Variants in SATB2 observed in about 807,000 individuals in gnomAD.
The protein encoded by SATB2 is DNA-binding protein SATB2.
A neutral mutation model predicts 73.4 loss-of-function variants in SATB2; 1 was observed. That is an observed-to-expected ratio of 0.01 (90% CI 0.00 to 0.06). The LOEUF (loss-of-function observed/expected upper bound fraction) is 0.06, where lower values mean the gene tolerates loss of function less well. Ranked by LOEUF, SATB2 falls within the 10% of genes least tolerant of loss-of-function variation. SATB2 has a pLI of 1.00. For synonymous variants in SATB2, 397 were observed against 367.0 expected, an observed-to-expected ratio of 1.08 and a Z score of -0.93; for missense variants, 459 against 945.8, an observed-to-expected ratio of 0.49 and a Z score of 6.75.
chr2:199,365,713 A>G (rs182213213), intron 6 of SATB2, among the ~76,000 whole-genome samples: 2 of 152,270 alleles, frequency 1.3e-5, no homozygotes, highest in East Asian at 1.9e-4. Context: ...ATCTGTTTTT[A>G]ATGATATCAA....
intron 3 of SATB2, among the ~76,000 whole-genome samples, chr2:199,386,710 GCGCGCGCACACACACACACACA>G (rs758647729): frequency 0.067 from 6,097 of 90,556 alleles, 196 homozygotes; most frequent in Middle Eastern, 0.12. Flanking sequence ...GCGCGCGCGC[GCGCGCGCACACACACACACACA>G]CACACACACA....
chr2:199,309,012 G>A (rs1033122410), intron 9 of SATB2, 55 bp from the exon 10 acceptor site: 4 of 1,432,710 alleles, frequency 2.8e-6, no homozygotes, highest in Admixed American at 1.8e-5. Context: ...GGAGCTGAGG[G>A]GGCCTTGACT....
At chr2:199,368,386 T>C (rs1689349561) in intron 6 of SATB2, among the ~76,000 whole-genome samples, 1 of 152,182 alleles carries the variant, frequency 6.6e-6, no homozygotes, top group African/African-American at 2.4e-5. Flanking sequence ...ATGAAAACTA[T>C]AAACTTAACA....
chr2:199,293,094 T>C (rs1199121022), intron 10 of SATB2, among the ~76,000 whole-genome samples: 1 of 152,170 alleles, frequency 6.6e-6, no homozygotes, highest in Non-Finnish European at 1.5e-5. Flanking sequence ...AAGAGAATAT[T>C]GTCCCCTAAT....
intron 9 of SATB2, among the ~76,000 whole-genome samples, chr2:199,321,291 A>G (rs564066502): frequency 6.6e-6 from 1 of 151,992 alleles, no homozygotes; most frequent in East Asian, 1.9e-4. Flanking sequence ...GTGTATGCAT[A>G]TGTATAGACA....
intron 4 of SATB2, among the ~76,000 whole-genome samples, 182 bp downstream of exon 4, chr2:199,381,512 T>C (rs938363829): frequency 3.3e-5 from 5 of 152,328 alleles, no homozygotes; most frequent in Non-Finnish European, 7.3e-5. Flanking sequence ...GGAATGTGAC[T>C]ATAAAGACAC....
At chr2:199,294,182 AAC>A (rs1307281214) in intron 10 of SATB2, among the ~76,000 whole-genome samples, 4 of 152,188 alleles carry the variant, frequency 2.6e-5, no homozygotes, top group Non-Finnish European at 2.9e-5. Context: ...GAGGAATGGC[AAC>A]ACAGAACACA....
At chr2:199,385,943 C>T (rs185688931) in intron 3 of SATB2, among the ~76,000 whole-genome samples, 1 of 152,058 alleles carries the variant, frequency 6.6e-6, no homozygotes, top group African/African-American at 2.4e-5. Context: ...CAATGCCTAC[C>T]CTTTAGGGTT....
chr2:199,336,413 C>A (rs1213431096), intron 7 of SATB2, among the ~76,000 whole-genome samples: 5 of 152,088 alleles, frequency 3.3e-5, no homozygotes, highest in Admixed American at 3.3e-4. Context: ...TGGCAACCTG[C>A]CCCAAAAATT....
chr2:199,354,944 T>C (rs1192600301), intron 6 of SATB2, among the ~76,000 whole-genome samples: 1 of 152,082 alleles, frequency 6.6e-6, no homozygotes, highest in African/African-American at 2.4e-5. Context: ...ATGCTCACAA[T>C]TGCTGCCTGT....
intron 10 of SATB2, among the ~76,000 whole-genome samples, chr2:199,282,388 A>G (rs1382055280): frequency 1.3e-5 from 2 of 152,204 alleles, no homozygotes; most frequent in Non-Finnish European, 2.9e-5. Flanking sequence ...AGGGCACTGT[A>G]TAACCTATAA....
chr2:199,381,398 G>A (rs1689770087), intron 4 of SATB2, among the ~76,000 whole-genome samples: 1 of 152,112 alleles, frequency 6.6e-6, no homozygotes, highest in African/African-American at 2.4e-5. Context: ...ATTGAATAAG[G>A]GGCTGTGTAA....
chr2:199,410,171 C>T (rs903426946), intron 3 of SATB2, among the ~76,000 whole-genome samples: 1 of 152,156 alleles, frequency 6.6e-6, no homozygotes, highest in South Asian at 2.1e-4. Context: ...AAAGGAATAT[C>T]GGGCACAGAT....
intron 2 of SATB2, among the ~76,000 whole-genome samples, chr2:199,445,350 A>G (rs936886599): frequency 2.6e-5 from 4 of 152,186 alleles, no homozygotes; most frequent in African/African-American, 9.7e-5. Flanking sequence ...GTTCAGTATC[A>G]ATCCTGAACA....
At chr2:199,410,007 T>C (rs1394725530) in intron 3 of SATB2, among the ~76,000 whole-genome samples, 1 of 152,162 alleles carries the variant, frequency 6.6e-6, no homozygotes, top group African/African-American at 2.4e-5. Context: ...TTTTTCTTTC[T>C]TTTGGTCTGT....
chr2:199,351,458 T>C (rs1433897016), intron 6 of SATB2, among the ~76,000 whole-genome samples: 1 of 152,202 alleles, frequency 6.6e-6, no homozygotes, highest in African/African-American at 2.4e-5. Context: ...TATAGTGTAA[T>C]TCATTTGTTT....
chr2:199,328,283 G>A (rs1174805346), intron 8 of SATB2, among the ~76,000 whole-genome samples: 1 of 152,188 alleles, frequency 6.6e-6, no homozygotes, highest in African/African-American at 2.4e-5. Context: ...GCTCACGCCT[G>A]TAATCCCAGC....
At chr2:199,358,029 A>G (rs1228521520) in intron 6 of SATB2, among the ~76,000 whole-genome samples, 3 of 152,168 alleles carry the variant, frequency 2.0e-5, no homozygotes, top group Non-Finnish European at 4.4e-5. Flanking sequence ...ACCTACAAAA[A>G]TGGCAATTCC....
chr2:199,403,357 A>G (rs1285325936), intron 3 of SATB2, among the ~76,000 whole-genome samples: 1 of 150,608 alleles, frequency 6.6e-6, no homozygotes, highest in Non-Finnish European at 1.5e-5. Context: ...ATTGTATAAT[A>G]TTGTAATATT....
Sources: gnomAD v4.1 joint callset for allele counts (sites outside exome capture counted in the v4.1 genomes callset) on GRCh38, gnomAD v4.1.1 for gene constraint, MANE v1.5 for transcripts, NCBI Gene and HGNC (gene_info 2026-07-23, HGNC 2026-07-21) for gene names.